Variants in DIP2A observed in about 807,000 individuals in gnomAD.
The protein encoded by DIP2A is disco-interacting protein 2 homolog A.
Under a neutral mutation model 177.4 loss-of-function variants are expected in DIP2A, and 85 were observed. That is an observed-to-expected ratio of 0.48 (90% confidence interval 0.40 to 0.57). The LOEUF (loss-of-function observed/expected upper bound fraction) is 0.57. Among genes scored for constraint, DIP2A ranks in the 20% least tolerant of loss-of-function variants. The probability of loss-of-function intolerance (pLI) is 0.00; values close to 1 mark genes in which losing one functional copy is unlikely to be tolerated. For synonymous variants in DIP2A, 886 were observed against 881.8 expected, an observed-to-expected ratio of 1.00 and a Z score of -0.08; for missense variants, 1,791 against 2,100.2, an observed-to-expected ratio of 0.85 and a Z score of 2.88.
intron 32 of DIP2A, among the ~76,000 whole-genome samples, chr21:46,560,010 CT>C (rs1328454223): frequency 1.3e-5 from 2 of 152,228 alleles, no homozygotes; most frequent in Non-Finnish European, 2.9e-5. Flanking sequence ...ATTACAAAAG[CT>C]CCCTTGTAAC....
At position 46,568,529 on chromosome 21, in the gene DIP2A, A is replaced by G. The variant is rs2060896435; in HGVS notation, c.*907A>G. On this transcript the variant is annotated 3_prime_UTR_variant, in exon 38 of 38. Transcript: ENST00000417564. ...CACGAGATGCCGTCTTAAAAAAACA[A>G]AAAAGAGGTGTGCTGCTTGTCAGCA... 6.6e-6 allele frequency: 1 copy of G among 151,550 alleles called. No homozygotes were observed. Among genetic ancestry groups the G allele is most frequent in the South Asian group, 2.1e-4 (1 of 4,808 alleles). The allele number at this position is 151,550 out of a possible 1,614,324, so 9.4% of individuals were successfully genotyped here. A position where few individuals can be genotyped will look rare whatever the true frequency, so the allele number is the denominator to read the frequency against.
rs1363373917 is a variant in DIP2A at position 46,541,736 on chromosome 21, A to G, written c.2037-20A>G. 5.6e-6 allele frequency: 9 copies of G among 1,613,620 alleles called. No individual in the cohort carries two copies. The highest frequency in any genetic ancestry group is 2.2e-5 in the East Asian group (1 of 44,872). On this transcript the variant is annotated intron_variant, in intron 17 of 37. Coordinates refer to ENST00000417564, the MANE Select transcript of DIP2A (RefSeq NM_015151.4). The stretch of plus-strand genomic sequence containing the variant: ...TTCATCCCCCTCGTCAGTTAAACCC[A>G]TGGTGGTTTTATTTTCTAGGCCACC...
chr21:46,576,015 T>C, the DIP2A span, among the ~76,000 whole-genome samples: 1 of 152,106 alleles, frequency 6.6e-6, no homozygotes. Flanking sequence ...CTTTGAAAAA[T>C]GAAAGCAAAA....
rs1367861033 is a variant in DIP2A, at chr21:46,550,645, A to G, written c.2740A>G (p.Lys914Glu). ...CGGAGGGATTCACATTTCTGAAACC[A>G]AACAGCGCTTTCTGGAAGGGACGCT... ...PLGGIHISET[K>E]QRFLEGTLHP... Residue 914 changes from lysine (K) to glutamate (E), a missense_variant, in exon 23 of 38, where the codon AAA becomes GAA. Coordinates refer to ENST00000417564, the MANE Select transcript of DIP2A (RefSeq NM_015151.4). 1 of 1,613,966 alleles carries G rather than the reference A, an allele frequency of 6.2e-7. No individual in the cohort carries two copies. Among genetic ancestry groups the G allele is most frequent in the African/African-American group, 1.3e-5 (1 of 75,050 alleles).
At chr21:46,485,236 T>TTGTG (rs3060302) in intron 2 of DIP2A, among the ~76,000 whole-genome samples, 2 of 149,176 alleles carry the variant, frequency 1.3e-5, no homozygotes, top group East Asian at 1.9e-4. Context: ...TCAATAGGTT[T>TTGTG]TGTGTGTGTG....
chr21:46,464,593 G>A (rs1265048902), intron 1 of DIP2A, among the ~76,000 whole-genome samples: 3 of 152,080 alleles, frequency 2.0e-5, no homozygotes, highest in Non-Finnish European at 4.4e-5. Context: ...ATCTAGCAAG[G>A]ACTTTCTTGG....
chr21:46,535,954 C>T (rs1354305721), intron 13 of DIP2A, among the ~76,000 whole-genome samples: 2 of 152,128 alleles, frequency 1.3e-5, no homozygotes, highest in Non-Finnish European at 1.5e-5. Flanking sequence ...AGTGGGGAAC[C>T]ACCAGCTTGC....
chr21:46,514,130 A>G (rs1432367726), intron 8 of DIP2A, among the ~76,000 whole-genome samples: 1 of 152,096 alleles, frequency 6.6e-6, no homozygotes, highest in East Asian at 1.9e-4. Flanking sequence ...CTATATTATT[A>G]TTATTTTAAA....
intron 8 of DIP2A, among the ~76,000 whole-genome samples, chr21:46,520,948 T>C (rs531117206): frequency 6.6e-6 from 1 of 152,330 alleles, no homozygotes; most frequent in African/African-American, 2.4e-5. Flanking sequence ...AGGCAGAATT[T>C]AGAGTATGAT....
At chr21:46,577,483 G>A in the DIP2A span, among the ~76,000 whole-genome samples, 11 of 152,204 alleles carry the variant, frequency 7.2e-5, no homozygotes, top group African/African-American at 2.2e-4. Flanking sequence ...CTGTTCCACC[G>A]GTCTATGTGT....
chr21:46,559,459 A>C (rs1478952644), intron 32 of DIP2A, among the ~76,000 whole-genome samples: 1 of 152,162 alleles, frequency 6.6e-6, no homozygotes, highest in Non-Finnish European at 1.5e-5. Context: ...GGCTCTGCTC[A>C]CACCCTCTTC....
At chr21:46,512,530 A>G (rs2058358039) in intron 8 of DIP2A, among the ~76,000 whole-genome samples, 2 of 152,230 alleles carry the variant, frequency 1.3e-5, no homozygotes, top group African/African-American at 4.8e-5. Flanking sequence ...TTGCCTGGTG[A>G]CAAATTATGC....
At chr21:46,531,535 C>T (rs1037260966) in intron 9 of DIP2A, among the ~76,000 whole-genome samples, 3 of 152,138 alleles carry the variant, frequency 2.0e-5, no homozygotes, top group African/African-American at 7.2e-5. Flanking sequence ...CACTAATTTT[C>T]TTGAAAAACA....
chr21:46,538,512 A>C lies in DIP2A; in HGVS notation c.1831A>C (p.Met611Leu). ...GGCCGCGCTGGTGAAGTCGCGAGAC[A>C]TGCACTGGTCTCTCCTAGCTCAGCG... ...ARAALVKSRDMHWSLLAQRGQ... is the reference protein window; with the variant it reads ...ARAALVKSRDLHWSLLAQRGQ... The change falls in exon 16 of 38, where the codon ATG becomes CTG. Residue 611 changes from methionine (M) to leucine (L), a missense_variant. Physicochemically the swap from Met to Leu is conservative, Grantham distance 15. Coordinates refer to ENST00000417564, the MANE Select transcript of DIP2A (RefSeq NM_015151.4). The C allele has an allele frequency of 1.3e-6, 2 of 1,555,330 alleles. No homozygotes were observed. Among genetic ancestry groups the C allele is most frequent in the South Asian group, 1.2e-5 (1 of 84,376 alleles).
chr21:46,523,195 G>A (rs536173686), intron 8 of DIP2A, among the ~76,000 whole-genome samples: 2 of 151,742 alleles, frequency 1.3e-5, no homozygotes, highest in African/African-American at 4.8e-5. Flanking sequence ...AAAGTGCTGG[G>A]ATTATAGATG....
chr21:46,532,214 A>T lies in DIP2A; in HGVS notation c.1282A>T (p.Ile428Leu). Residue 428 changes from isoleucine to leucine, a missense_variant, in exon 10 of 38, where the codon ATA becomes TTA. Physicochemically the swap from Ile to Leu is conservative, Grantham distance 5. Coordinates refer to ENST00000417564, the MANE Select transcript of DIP2A (RefSeq NM_015151.4). ...CCTGGCAGAGCTGGTTCCTGTCCCCATAGAAGTGCCATTAACAAGAAAGGT... is the reference window on the plus strand; with the variant it reads ...CCTGGCAGAGCTGGTTCCTGTCCCCTTAGAAGTGCCATTAACAAGAAAGGT... ...CLLAELVPVP[I>L]EVPLTRKDAG... 2.5e-6 allele frequency: 4 copies of T among 1,613,916 alleles called. No individual in the cohort carries two copies. The highest frequency in any genetic ancestry group is 3.4e-6 in the Non-Finnish European group (4 of 1,179,846).
At chr21:46,499,720 A>C (rs1054878260) in intron 5 of DIP2A, among the ~76,000 whole-genome samples, 10 of 152,242 alleles carry the variant, frequency 6.6e-5, no homozygotes, top group African/African-American at 1.9e-4. Flanking sequence ...TGTAGCTGGC[A>C]TGTGAAACCC....
intron 1 of DIP2A, among the ~76,000 whole-genome samples, 200 bp from the exon 2 acceptor site, chr21:46,484,557 A>G (rs915654993): frequency 1.3e-5 from 2 of 152,164 alleles, no homozygotes; most frequent in Admixed American, 1.3e-4. Flanking sequence ...GATCTATCCA[A>G]ATTGCTGTGT....
At chr21:46,508,344 G>A (rs2058123560) in intron 6 of DIP2A, among the ~76,000 whole-genome samples, 1 of 147,412 alleles carries the variant, frequency 6.8e-6, no homozygotes, top group Non-Finnish European at 1.5e-5. Flanking sequence ...GCTCCTGGCT[G>A]GCCAATGACT....
Sources: gnomAD v4.1 joint callset for allele counts (sites outside exome capture counted in the v4.1 genomes callset) on GRCh38, gnomAD v4.1.1 for gene constraint, MANE v1.5 for transcripts, NCBI Gene and HGNC (gene_info 2026-07-23, HGNC 2026-07-21) for gene names.